Variants in SNX2 observed in about 807,000 individuals in gnomAD.
SNX2 encodes sorting nexin 2.
In SNX2, 25 loss-of-function variants were observed where a neutral mutation model predicts 69.9. The ratio of observed to expected loss-of-function variants is 0.36; its 90% CI spans 0.26 to 0.50. The LOEUF is 0.50. Among genes scored for constraint, SNX2 ranks in the 20% least tolerant of loss-of-function variants. SNX2 has a pLI of 0.97. For synonymous variants in SNX2, 229 were observed against 200.4 expected, an observed-to-expected ratio of 1.14 and a Z score of -1.20; for missense variants, 551 against 613.3, an observed-to-expected ratio of 0.90 and a Z score of 1.07.
intron 2 of SNX2, 94 bp downstream of exon 2, chr5:122,795,477 A>G (rs1561451679): frequency 1.2e-6 from 1 of 842,318 alleles, no homozygotes; most frequent in Admixed American, 2.2e-5. Flanking sequence ...AATTCTGTGT[A>G]AAGTGTTAGT....
rs1200993022 is a variant in SNX2 at position 122,793,916 on chromosome 5, C to CCA, written c.109-1350_109-1349insCA. On this transcript the variant is annotated intron_variant, in intron 1 of 14. Transcript: ENST00000379516. ...CAAGAAGAGCAAAATTCTGTCCCCC[C>CCA]AAAAAAAAAAAAAAAGACCTGGTTT... Among the ~76,000 whole-genome samples the CCA allele has an allele frequency of 3.4e-3, 343 of 100,798 alleles. 2 individuals carry two copies. The highest frequency in any genetic ancestry group is 0.029 in the East Asian group (104 of 3,558). 66.1% of individuals were successfully genotyped at this position (100,798 alleles called of 152,430 possible).
intron 1 of SNX2, among the ~76,000 whole-genome samples, chr5:122,780,542 A>C (rs1752954810): frequency 6.6e-6 from 1 of 151,626 alleles, no homozygotes; most frequent in Non-Finnish European, 1.5e-5. Flanking sequence ...AGGTAATAAA[A>C]GTATATATAA....
intron 1 of SNX2, among the ~76,000 whole-genome samples, chr5:122,791,119 ATTTTTTTTTT>A (rs71623268): frequency 3.8e-5 from 5 of 131,658 alleles, no homozygotes; most frequent in Admixed American, 7.8e-5. Flanking sequence ...GGCTATTTCA[ATTTTTTTTTT>A]TTTTTTTTTT....
intron 3 of SNX2, 60 bp from the exon 4 acceptor site, chr5:122,801,809 T>C: frequency 9.8e-7 from 1 of 1,025,494 alleles, no homozygotes; most frequent in East Asian, 2.5e-5. Context: ...TAAAAATTAG[T>C]GTCATGACAA....
At position 122,819,038 on chromosome 5, in the gene SNX2, G is replaced by T; in HGVS notation, c.1212+15G>T. 6.3e-7 allele frequency: 1 copy of T among 1,594,634 alleles called. No homozygotes were observed. Among genetic ancestry groups the T allele is most frequent in the Non-Finnish European group, 8.6e-7 (1 of 1,163,058 alleles). ...CTGCAGTGAAAGTAAGCCCTTTCTT[G>T]CATGCTTCTCACTTGTGTCGTGTAC... On this transcript the variant is annotated intron_variant, in intron 11 of 14. Transcript: ENST00000379516.
At chr5:122,803,223 G>A (rs569461598) in intron 5 of SNX2, among the ~76,000 whole-genome samples, 9 of 152,174 alleles carry the variant, frequency 5.9e-5, no homozygotes, top group Middle Eastern at 3.4e-3. Flanking sequence ...AATTATTAGC[G>A]TAAATAGAGT....
rs58159922 is a variant in SNX2, at chr5:122,831,009, CAAAAA to C, written c.*1381_*1385del. On this transcript the variant is annotated 3_prime_UTR_variant, in exon 15 of 15. Transcript: ENST00000379516. ...AGGCAACAAAAGCAAAACTCCATCT[CAAAAA>C]AAAAAAAAAAAAAAAAAAAGATGAC... Among the ~76,000 whole-genome samples, 18 of 63,004 alleles carry C rather than the reference CAAAAA, an allele frequency of 2.9e-4. No individual in the cohort carries two copies. The highest frequency in any genetic ancestry group is 5.4e-4 in the African/African-American group (9 of 16,756). The allele number at this position is 63,004 out of a possible 152,430, so 41.3% of individuals were successfully genotyped here. A position where few individuals can be genotyped will look rare whatever the true frequency, so the allele number is the denominator to read the frequency against.
intron 11 of SNX2, among the ~76,000 whole-genome samples, chr5:122,825,277 A>G (rs928182628): frequency 7.9e-5 from 12 of 152,054 alleles, no homozygotes; most frequent in Non-Finnish European, 1.0e-4. Context: ...CAGAAAGAGG[A>G]TTCTTAGTGG....
rs1238277410 is a variant in SNX2 at position 122,817,029 on chromosome 5, G to GT, written c.912+2dup. ...AATCAAGATGAATGAATCGGATGCAGTAAGAGCTGATTTTTCGGCTTGAAT... is the reference window on the plus strand; with the variant it reads ...AATCAAGATGAATGAATCGGATGCAGTTAAGAGCTGATTTTTCGGCTTGAAT... On this transcript the variant is annotated splice_donor_variant, in intron 9 of 14. Transcript: ENST00000379516. LOFTEE classifies it high-confidence loss of function. 6.2e-7 allele frequency: 1 copy of GT among 1,604,316 alleles called. No homozygotes were observed. Among genetic ancestry groups the GT allele is most frequent in the African/African-American group, 1.3e-5 (1 of 74,836 alleles).
At chr5:122,789,482 C>T (rs1386568228) in intron 1 of SNX2, among the ~76,000 whole-genome samples, 1 of 101,868 alleles carries the variant, frequency 9.8e-6, no homozygotes, top group African/African-American at 4.4e-5. Flanking sequence ...CGGACACACA[C>T]ACACACACAC....
chr5:122,780,605 G>A (rs1220806393), intron 1 of SNX2, among the ~76,000 whole-genome samples: 3 of 143,192 alleles, frequency 2.1e-5, no homozygotes, highest in African/African-American at 5.3e-5. Context: ...AGAGTCTTGC[G>A]CTGTCCCAGG....
chr5:122,775,370 G>A (rs934363076), intron 1 of SNX2, 159 bp downstream of exon 1: 184 of 1,349,870 alleles, frequency 1.4e-4, no homozygotes, highest in Non-Finnish European at 1.7e-4. Context: ...TCAGAGGGAT[G>A]TGCTTGGGCT....
Position 122,806,142 on chromosome 5 carries a change from G to GCGCGCGCGCACACGCACACACACACA in SNX2, c.644-2134_644-2133insGCGCGCGCACACGCACACACACACAC. Among the ~76,000 whole-genome samples, 3 of 130,656 alleles carry GCGCGCGCGCACACGCACACACACACA rather than the reference G, an allele frequency of 2.3e-5. No individual in the cohort carries two copies. In the East Asian group the frequency reaches 6.4e-4, roughly 28 times the overall value. The allele number at this position is 130,656 out of a possible 152,430, so 85.7% of individuals were successfully genotyped here. Reference sequence around the variant, plus strand: ...TGTGTATATATATACACACGCGCGCGCACACACACACACACACACACACAC... The same window carrying GCGCGCGCGCACACGCACACACACACA: ...TGTGTATATATATACACACGCGCGCGCGCGCGCGCACACGCACACACACACACACACACACACACACACACACACAC... On this transcript the variant is annotated intron_variant, in intron 6 of 14. Transcript: ENST00000379516.
At chr5:122,792,202 A>G (rs540705425) in intron 1 of SNX2, among the ~76,000 whole-genome samples, 1 of 152,354 alleles carries the variant, frequency 6.6e-6, no homozygotes, top group South Asian at 2.1e-4. Context: ...TGAATGTTCT[A>G]AAGAGATTTT....
chr5:122,827,466 A>G lies in SNX2; in HGVS notation c.1437+7A>G, dbSNP rs1376107898. On this transcript the variant is annotated splice_region_variant and intron_variant, in intron 13 of 14. Transcript: ENST00000379516. ...AGAAGTGGGAAGATTTGAGGCATGTATAATAATTTTGCATTTATCTTAACA... is the reference window on the plus strand; with the variant it reads ...AGAAGTGGGAAGATTTGAGGCATGTGTAATAATTTTGCATTTATCTTAACA... 1 of 1,612,320 alleles carries G rather than the reference A, an allele frequency of 6.2e-7. No individual in the cohort carries two copies. Among genetic ancestry groups the G allele is most frequent in the Non-Finnish European group, 8.5e-7 (1 of 1,178,614 alleles).
intron 1 of SNX2, among the ~76,000 whole-genome samples, chr5:122,789,738 CTCTATA>C (rs1753184935): frequency 6.6e-6 from 1 of 152,228 alleles, no homozygotes; most frequent in Admixed American, 6.5e-5. Context: ...CTGTCTCTGT[CTCTATA>C]CCATTGCACA....
chr5:122,792,087 G>A (rs1753254379), intron 1 of SNX2, among the ~76,000 whole-genome samples: 1 of 152,188 alleles, frequency 6.6e-6, no homozygotes, highest in African/African-American at 2.4e-5. Flanking sequence ...AAGTTGCTAA[G>A]TTAAAGAGAG....
At chr5:122,798,142 C>G (rs1440652770) in intron 2 of SNX2, among the ~76,000 whole-genome samples, 3 of 151,052 alleles carry the variant, frequency 2.0e-5, no homozygotes, top group Non-Finnish European at 4.4e-5. Flanking sequence ...ATATCTCACA[C>G]TTGTAGCTTT....
At chr5:122,787,529 AAAAG>A (rs759324646) in intron 1 of SNX2, among the ~76,000 whole-genome samples, 8 of 152,076 alleles carry the variant, frequency 5.3e-5, no homozygotes, top group Non-Finnish European at 1.0e-4. Context: ...CCCCAAAAAA[AAAAG>A]AAAGAAAGAA....
Sources: allele counts gnomAD v4.1 joint callset (sites outside exome capture counted in the v4.1 genomes callset), GRCh38; gene constraint gnomAD v4.1.1; transcripts MANE v1.5; gene names NCBI Gene and HGNC (gene_info 2026-07-23, HGNC 2026-07-21).